The following PTPN21 variants were observed in gnomAD, a reference collection of about 807,000 sequenced individuals.
PTPN21 encodes tyrosine-protein phosphatase non-receptor type 21.
In PTPN21, 77 loss-of-function variants were observed where a neutral mutation model predicts 131.8. The ratio of observed to expected loss-of-function variants is 0.58; its 90% CI spans 0.49 to 0.71. The LOEUF (loss-of-function observed/expected upper bound fraction) is 0.71, where lower values mean the gene tolerates loss of function less well. Among genes scored for constraint, PTPN21 ranks in the 30% least tolerant of loss-of-function variants. PTPN21 has a pLI of 0.00. For synonymous variants in PTPN21, 715 were observed against 621.3 expected (o/e 1.15, Z -2.24); for missense variants, 1,552 against 1,527.1 (o/e 1.02, Z -0.27).
intron 2 of PTPN21, among the ~76,000 whole-genome samples, chr14:88,526,409 G>C (rs2078476378): frequency 6.6e-6 from 1 of 151,724 alleles, no homozygotes; most frequent in Admixed American, 6.6e-5. Context: ...ACTTAGCTAG[G>C]CATGGTGGTG....
At chr14:88,547,969 A>G (rs1489603924) in intron 2 of PTPN21, among the ~76,000 whole-genome samples, 1 of 152,108 alleles carries the variant, frequency 6.6e-6, no homozygotes, top group East Asian at 1.9e-4. Context: ...CAGTATTTCT[A>G]AAACTGAACT....
intron 8 of PTPN21, chr14:88,499,251 G>A (rs2077971548): frequency 6.6e-6 from 1 of 152,250 alleles, no homozygotes; most frequent in African/African-American, 2.4e-5. Flanking sequence ...TGCTCCCCAA[G>A]TGATGCGTAC....
chr14:88,493,220 C>T, intron 10 of PTPN21: 2 of 354,570 alleles, frequency 5.6e-6, no homozygotes, highest in Non-Finnish European at 1.1e-5. Flanking sequence ...CAAGCATTTA[C>T]TAAATTATTG....
At chr14:88,474,129 T>TCCC (rs1320334281) in intron 13 of PTPN21, among the ~76,000 whole-genome samples, 955 of 39,378 alleles carry the variant, frequency 0.024, 22 homozygotes, top group African/African-American at 0.069. Flanking sequence ...TCAGCTGAAG[T>TCCC]CCAAAAAAAA....
At chr14:88,515,019 TG>T (rs1193384340) in intron 3 of PTPN21, 1 of 152,084 alleles carries the variant, frequency 6.6e-6, no homozygotes, top group East Asian at 1.9e-4. Context: ...TGACTATGGA[TG>T]TAATAGACAG....
intron 3 of PTPN21, among the ~76,000 whole-genome samples, chr14:88,510,954 C>T (rs2078169351): frequency 6.7e-6 from 1 of 149,930 alleles, no homozygotes; most frequent in South Asian, 2.1e-4. Context: ...GCTCTATAGC[C>T]CAGGCTGGAG....
intron 3 of PTPN21, among the ~76,000 whole-genome samples, chr14:88,511,433 G>A (rs570739989): frequency 6.6e-6 from 1 of 152,268 alleles, no homozygotes; most frequent in South Asian, 2.1e-4. Context: ...AGCACTTTGG[G>A]AGGCTGAGGC....
intron 2 of PTPN21, among the ~76,000 whole-genome samples, chr14:88,548,220 T>G (rs1331538598): frequency 6.6e-6 from 1 of 152,136 alleles, no homozygotes; most frequent in Non-Finnish European, 1.5e-5. Context: ...GGGCTCACTC[T>G]TCACAGAAAC....
Position 88,497,261 on chromosome 14 carries a change from T to C in PTPN21, c.794A>G (p.Asn265Ser), listed in dbSNP as rs751064910. 21 of 1,613,564 alleles carry C rather than the reference T, an allele frequency of 1.3e-5. No homozygotes were observed. The highest frequency in any genetic ancestry group is 1.7e-5 in the Non-Finnish European group (20 of 1,179,590). Residue 265 changes from asparagine (N) to serine (S), a missense_variant, in exon 9 of 19, where the codon AAC becomes AGC. By Grantham distance (46) the Asn-to-Ser change is conservative. This residue lies in a region of PTPN21 where 1,016 missense variants were observed against 883.5 expected (regional missense o/e 1.15). Coordinates refer to ENST00000556564, the MANE Select transcript of PTPN21 (RefSeq NM_007039.4). ...CAGCTCTAATGCAAAAAAGGACTTGTTGTGGGACATGTTGGCAATGTCATG... is the reference window on the plus strand; with the variant it reads ...CAGCTCTAATGCAAAAAAGGACTTGCTGTGGGACATGTTGGCAATGTCATG... ...RWHDIANMSH[N>S]KSFFALELAN...
intron 10 of PTPN21, among the ~76,000 whole-genome samples, chr14:88,492,353 A>AAGT (rs1198198195): frequency 6.6e-6 from 1 of 152,216 alleles, no homozygotes; most frequent in Non-Finnish European, 1.5e-5. Flanking sequence ...CCCCAAAGGC[A>AAGT]AGTAGCACTA....
At chr14:88,474,819 C>A (rs1294300345) in intron 13 of PTPN21, among the ~76,000 whole-genome samples, 1 of 152,074 alleles carries the variant, frequency 6.6e-6, no homozygotes, top group Non-Finnish European at 1.5e-5. Context: ...AGCATAAGAA[C>A]ACTAAGTTGA....
intron 2 of PTPN21, among the ~76,000 whole-genome samples, chr14:88,522,769 A>C (rs1489039862): frequency 3.9e-5 from 6 of 152,172 alleles, no homozygotes; most frequent in Non-Finnish European, 8.8e-5. Context: ...GTAACATTAT[A>C]ATCCTGGATT....
chr14:88,496,114 G>A (rs1275291546), intron 10 of PTPN21, among the ~76,000 whole-genome samples: 1 of 152,188 alleles, frequency 6.6e-6, no homozygotes, highest in Non-Finnish European at 1.5e-5. Flanking sequence ...AGCTGGAAAA[G>A]CTGAATAATC....
chr14:88,503,050 T>C (rs2078035651), intron 6 of PTPN21, among the ~76,000 whole-genome samples: 1 of 147,638 alleles, frequency 6.8e-6, no homozygotes, highest in Admixed American at 6.6e-5. Flanking sequence ...ACTAAATCTT[T>C]TTCTTTTTTT....
chr14:88,551,596 C>G (rs1298563836), intron 1 of PTPN21: 3 of 152,336 alleles, frequency 2.0e-5, no homozygotes. Context: ...AAGGGACCAG[C>G]GCGTGCCCTA....
At chr14:88,491,137 G>C (rs1381876384) in intron 10 of PTPN21, among the ~76,000 whole-genome samples, 1 of 152,162 alleles carries the variant, frequency 6.6e-6, no homozygotes, top group African/African-American at 2.4e-5. Flanking sequence ...TTAAAAGACA[G>C]ATTGTTATCC....
At chr14:88,477,207 G>A (rs2077558647) in intron 13 of PTPN21, among the ~76,000 whole-genome samples, 1 of 152,076 alleles carries the variant, frequency 6.6e-6, no homozygotes, top group African/African-American at 2.4e-5. Flanking sequence ...AGGGATGTGA[G>A]TTATGTTGCA....
chr14:88,485,905 A>G, intron 10 of PTPN21, 63 bp from the exon 11 acceptor site: 2 of 958,540 alleles, frequency 2.1e-6, no homozygotes, highest in Admixed American at 4.0e-5. Flanking sequence ...CTACCAAAAC[A>G]AGATATAGGA....
chr14:88,539,302 T>G (rs1424700533), intron 2 of PTPN21, among the ~76,000 whole-genome samples: 2 of 149,170 alleles, frequency 1.3e-5, no homozygotes, highest in Admixed American at 6.8e-5. Context: ...CAGGCTGGAG[T>G]GCAATGGCAT....
Sources: allele counts gnomAD v4.1 joint callset (sites outside exome capture counted in the v4.1 genomes callset), GRCh38; gene constraint gnomAD v4.1.1; regional missense constraint gnomAD v4.1.1; transcripts MANE v1.5; gene names NCBI Gene and HGNC (gene_info 2026-07-23, HGNC 2026-07-21).